TATDN2: variants seen among roughly 807,000 people sequenced by gnomAD.
TATDN2 encodes the protein 3'-5' RNA nuclease TATDN2.
In TATDN2, 44 loss-of-function variants were observed where a neutral mutation model predicts 60.3. The ratio of observed to expected loss-of-function variants is 0.73; its 90% CI spans 0.57 to 0.94. TATDN2 has a LOEUF of 0.94. TATDN2 is among the 40% of genes least tolerant of loss of function. The pLI, the probability that TATDN2 is intolerant of heterozygous loss-of-function variation, is 0.00. For synonymous variants in TATDN2, 399 were observed against 355.8 expected, an observed-to-expected ratio of 1.12 and a Z score of -1.37; for missense variants, 997 against 948.0, an observed-to-expected ratio of 1.05 and a Z score of -0.68.
intron 3 of TATDN2, among the ~76,000 whole-genome samples, chr3:10,266,731 G>GTGT (rs1698480447): frequency 6.6e-6 from 1 of 152,170 alleles, no homozygotes; most frequent in African/African-American, 2.4e-5. Context: ...CAGGCATGGT[G>GTGT]TTGTTCAGTG....
chr3:10,249,483 G>C lies in TATDN2; in HGVS notation c.283G>C (p.Gly95Arg). 1 of 1,613,456 alleles carries C rather than the reference G, an allele frequency of 6.2e-7. No homozygotes were observed. Among genetic ancestry groups the C allele is most frequent in the East Asian group, 2.2e-5 (1 of 44,864 alleles). The change falls in exon 2 of 8, where the codon GGG (glycine) becomes CGG (arginine). Residue 95 changes from glycine to arginine, a missense_variant. Gly to Arg is a moderately radical substitution (Grantham distance 125, BLOSUM62 -2). Coordinates refer to ENST00000448281, the MANE Select transcript of TATDN2 (RefSeq NM_014760.4). ...SPHFLGPGVGGAASKGCLIRN... is the reference protein window; with the variant it reads ...SPHFLGPGVGRAASKGCLIRN... Reference sequence around the variant, plus strand: ...ACATTTCTTGGGCCCTGGTGTGGGCGGGGCCGCCTCCAAAGGCTGCCTGAT... The same window carrying C: ...ACATTTCTTGGGCCCTGGTGTGGGCCGGGCCGCCTCCAAAGGCTGCCTGAT...
Position 10,278,921 on chromosome 3 carries a change from C to A in TATDN2, c.2182C>A (p.Leu728Met). Residue 728 changes from leucine to methionine, a missense_variant, in exon 7 of 8, where the codon CTG becomes ATG. Physicochemically the swap from Leu to Met is conservative, Grantham distance 15. Coordinates refer to ENST00000448281, the MANE Select transcript of TATDN2 (RefSeq NM_014760.4). This position sits in a 1 kb window ranked among gnomAD's most constrained non-coding sequence, Gnocchi z 4.7. ...KSLCQYAHPG[L>M]ALHTVREIAR... is the part of the protein sequence containing the mutation. ...CCTTTGCCAGTATGCCCACCCGGGC[C>A]TGGCCTTGCATACGGTCCGAGAGAT... 1 of 1,613,264 alleles carries A rather than the reference C, an allele frequency of 6.2e-7. No homozygotes were observed. Among genetic ancestry groups the A allele is most frequent in the Non-Finnish European group, 8.5e-7 (1 of 1,179,800 alleles).
At position 10,270,452 on chromosome 3, in the gene TATDN2, A is replaced by G. The variant is rs1698543921; in HGVS notation, c.1270A>G (p.Thr424Ala). The G allele has an allele frequency of 6.2e-7, 1 of 1,614,222 alleles. No homozygotes were observed. The highest frequency in any genetic ancestry group is 8.5e-7 in the Non-Finnish European group (1 of 1,180,034). Reference sequence around the variant, plus strand: ...CATGAGTGATTATTCCCCCAACTCTACAGGGAGTGTCCAAAACACCTCCAG... The same window carrying G: ...CATGAGTGATTATTCCCCCAACTCTGCAGGGAGTGTCCAAAACACCTCCAG... ...SRMSDYSPNS[T>A]GSVQNTSRDM... Residue 424 changes from threonine to alanine, a missense_variant, in exon 4 of 8, where the codon ACA becomes GCA. Physicochemically the swap from Thr to Ala is moderately conservative, Grantham distance 58. Coordinates refer to ENST00000448281, the MANE Select transcript of TATDN2 (RefSeq NM_014760.4).
chr3:10,271,790 G>A (rs1173475507), intron 4 of TATDN2, among the ~76,000 whole-genome samples: 9 of 148,928 alleles, frequency 6.0e-5, no homozygotes, highest in South Asian at 2.2e-4. Flanking sequence ...GGCTCACTGC[G>A]GCCTCCACCT....
At chr3:10,255,019 C>CTCCCCT (rs1698286995) in intron 2 of TATDN2, among the ~76,000 whole-genome samples, 1 of 134,224 alleles carries the variant, frequency 7.5e-6, no homozygotes, top group African/African-American at 3.0e-5. Context: ...CCCACTCCCC[C>CTCCCCT]TCCCCCTCCC....
Position 10,249,629 on chromosome 3 carries a change from C to T in TATDN2, c.414+15C>T, listed in dbSNP as rs746697203. Reference sequence around the variant, plus strand: ...GCAGCCTTAAGGTAGGTGGCTGCCACGCTTTGCAATCGGTGAAGCCCCTTC... The same window carrying T: ...GCAGCCTTAAGGTAGGTGGCTGCCATGCTTTGCAATCGGTGAAGCCCCTTC... On this transcript the variant is annotated intron_variant, in intron 2 of 7. Transcript: ENST00000448281. 2 of 1,500,680 alleles carry T rather than the reference C, an allele frequency of 1.3e-6. No individual in the cohort carries two copies. The highest frequency in any genetic ancestry group is 2.4e-5 in the East Asian group (1 of 41,986). 93.0% of individuals were successfully genotyped at this position (1,500,680 alleles called of 1,614,324 possible).
intron 5 of TATDN2, among the ~76,000 whole-genome samples, chr3:10,276,952 CTT>C (rs200656324): frequency 5.2e-4 from 73 of 140,946 alleles, no homozygotes; most frequent in Admixed American, 6.4e-4. Context: ...CATATTTGAC[CTT>C]TTTTTTTTTT....
chr3:10,267,407 T>C (rs536466218), intron 3 of TATDN2, among the ~76,000 whole-genome samples: 1 of 152,306 alleles, frequency 6.6e-6, no homozygotes, highest in South Asian at 2.1e-4. Flanking sequence ...AAACTGCTTT[T>C]TTCCTTACTT....
chr3:10,248,597 A>C lies in TATDN2; in HGVS notation c.-477A>C, dbSNP rs1698168409. 6.6e-6 allele frequency: 1 copy of C among 151,826 alleles called. No individual in the cohort carries two copies. Among genetic ancestry groups the C allele is most frequent in the Non-Finnish European group, 1.5e-5 (1 of 68,032 alleles). 9.4% of individuals were successfully genotyped at this position (151,826 alleles called of 1,614,324 possible). On this transcript the variant is annotated 5_prime_UTR_variant, in exon 1 of 8. Coordinates refer to ENST00000448281, the MANE Select transcript of TATDN2 (RefSeq NM_014760.4). The stretch of plus-strand genomic sequence containing the variant: ...CAGGCGGCGGGCTGCCCGGCGGGAC[A>C]GCTGCGGCAGCCGGCGGGGGGCGTC...
At chr3:10,275,784 A>G (rs1463630939) in intron 4 of TATDN2, among the ~76,000 whole-genome samples, 1 of 146,800 alleles carries the variant, frequency 6.8e-6, no homozygotes, top group African/African-American at 2.5e-5. Context: ...AAAACAAAGC[A>G]AGTTGTAGAA....
intron 3 of TATDN2, 70 bp from the exon 4 acceptor site, chr3:10,270,061 T>G: frequency 6.5e-7 from 1 of 1,541,370 alleles, no homozygotes; most frequent in Non-Finnish European, 8.7e-7. Context: ...TATGTTCAGC[T>G]GATGACAGCC....
At chr3:10,266,398 T>C (rs955869577) in intron 3 of TATDN2, among the ~76,000 whole-genome samples, 8 of 152,230 alleles carry the variant, frequency 5.3e-5, no homozygotes, top group Non-Finnish European at 1.0e-4. Context: ...TTAGGTTTTC[T>C]CTTACGTATC....
chr3:10,279,305 C>CAG lies in TATDN2; in HGVS notation c.*125_*126dup, dbSNP rs1698690401. On this transcript the variant is annotated 3_prime_UTR_variant, in exon 8 of 8. Coordinates refer to ENST00000448281, the MANE Select transcript of TATDN2 (RefSeq NM_014760.4). ...TGTGTTTAGAGAGCTGATTGGAACACAGAAAACCAGGACAGGATGTTTTCC... is the reference window on the plus strand; with the variant it reads ...TGTGTTTAGAGAGCTGATTGGAACACAGAGAAAACCAGGACAGGATGTTTTCC... 2 of 248,662 alleles carry CAG rather than the reference C, an allele frequency of 8.0e-6. No homozygotes were observed. The highest frequency in any genetic ancestry group is 1.5e-5 in the Non-Finnish European group (2 of 132,992). 15.4% of individuals were successfully genotyped at this position (248,662 alleles called of 1,614,324 possible).
chr3:10,260,028 C>A, intron 2 of TATDN2, 109 bp from the exon 3 acceptor site: 2 of 1,305,662 alleles, frequency 1.5e-6, no homozygotes, highest in Admixed American at 2.5e-5. Flanking sequence ...TAGCCACAGT[C>A]ACTTTCCCTT....
At chr3:10,260,036 C>G in intron 2 of TATDN2, 101 bp from the exon 3 acceptor site, 1 of 1,382,326 alleles carries the variant, frequency 7.2e-7, no homozygotes, top group Non-Finnish European at 9.8e-7. Context: ...GTCACTTTCC[C>G]TTTGACTGGT....
intron 4 of TATDN2, among the ~76,000 whole-genome samples, chr3:10,272,067 C>G (rs1247436284): frequency 6.6e-6 from 1 of 152,088 alleles, no homozygotes. Flanking sequence ...ATTTTTTGAG[C>G]ATAGTGCTTT....
At chr3:10,277,702 T>C (rs184499822) in intron 5 of TATDN2, among the ~76,000 whole-genome samples, 2 of 152,234 alleles carry the variant, frequency 1.3e-5, no homozygotes, top group African/African-American at 4.8e-5. Flanking sequence ...ATTACTTCAT[T>C]TTGGGCTAAC....
Position 10,266,931 on chromosome 3 carries a change from C to CTTTTTTTTTTTTT in TATDN2, c.949-3195_949-3183dup, listed in dbSNP as rs199956355. Among the ~76,000 whole-genome samples the CTTTTTTTTTTTTT allele has an allele frequency of 5.4e-4, 68 of 126,862 alleles. 4 individuals are homozygous for CTTTTTTTTTTTTT. The highest frequency in any genetic ancestry group is 2.2e-3 in the East Asian group (9 of 4,012). The allele number at this position is 126,862 out of a possible 152,430, so 83.2% of individuals were successfully genotyped here. ...ACAGGCTTAAACTAACTAAGGCAGT[C>CTTTTTTTTTTTTT]TTTTTTTTTTTTTTTTTGAGACAGA... is the stretch of plus-strand genomic sequence containing the variant. On this transcript the variant is annotated intron_variant, in intron 3 of 7. Transcript: ENST00000448281.
At chr3:10,259,403 T>C (rs564441253) in intron 2 of TATDN2, among the ~76,000 whole-genome samples, 1 of 152,362 alleles carries the variant, frequency 6.6e-6, no homozygotes, top group African/African-American at 2.4e-5. Context: ...GGAGAGTTCT[T>C]ACACCCGGCA....
Sources: allele counts gnomAD v4.1 joint callset (sites outside exome capture counted in the v4.1 genomes callset), GRCh38; gene constraint gnomAD v4.1.1; non-coding constraint Gnocchi (gnomAD v3.1); transcripts MANE v1.5; gene names NCBI Gene and HGNC (gene_info 2026-07-23, HGNC 2026-07-21).